Variants in LURAP1L observed in about 807,000 individuals in gnomAD.
LURAP1L encodes the protein leucine rich adaptor protein 1-like.
A neutral mutation model predicts 13.8 loss-of-function variants in LURAP1L; 12 were observed. The ratio of observed to expected loss-of-function variants is 0.87; its 90% CI spans 0.56 to 1.41. The LOEUF (loss-of-function observed/expected upper bound fraction) is 1.41, where lower values mean the gene tolerates loss of function less well. Ranked by LOEUF, LURAP1L falls within the 40% of genes most tolerant of loss-of-function variation. The probability of loss-of-function intolerance (pLI) is 0.00; values close to 1 mark genes in which losing one functional copy is unlikely to be tolerated. For synonymous variants in LURAP1L, 139 were observed against 119.2 expected (o/e 1.17, Z -1.08); for missense variants, 375 against 292.9 (o/e 1.28, Z -2.04).
At position 12,820,506 on chromosome 9, in the gene LURAP1L, C is replaced by A. The variant is rs374519185; in HGVS notation, c.313-880C>A. Among the ~76,000 whole-genome samples, 45 of 71,644 alleles carry A rather than the reference C, an allele frequency of 6.3e-4. 5 individuals are homozygous for A. Among genetic ancestry groups the A allele is most frequent in the Non-Finnish European group, 8.9e-4 (22 of 24,722 alleles). The allele number at this position is 71,644 out of a possible 152,430, so 47.0% of individuals were successfully genotyped here. A position where few individuals can be genotyped will look rare whatever the true frequency, so the allele number is the denominator to read the frequency against. On this transcript the variant is annotated intron_variant, in intron 1 of 1. Transcript: ENST00000319264. ...CGACAGATCGAGACTCCGTCCCCCC[C>A]CCCCCCCCAAAAAAAAAAAAGGACC...
chr9:12,789,090 C>A (rs202024781), intron 1 of LURAP1L, among the ~76,000 whole-genome samples: 40 of 137,002 alleles, frequency 2.9e-4, no homozygotes, highest in East Asian at 2.1e-3. Context: ...AGCACCCCCC[C>A]AAAAAAAAAA....
chr9:12,784,212 A>C (rs1361522472), intron 1 of LURAP1L, among the ~76,000 whole-genome samples: 1 of 151,910 alleles, frequency 6.6e-6, no homozygotes, highest in Non-Finnish European at 1.5e-5. Context: ...TATTTAGTTC[A>C]TTTGGTGAGG....
chr9:12,809,630 T>C (rs529997264), intron 1 of LURAP1L, among the ~76,000 whole-genome samples: 1 of 152,344 alleles, frequency 6.6e-6, no homozygotes, highest in African/African-American at 2.4e-5. Context: ...CTGGTTCTGA[T>C]GCTTGCTTTG....
Position 12,821,814 on chromosome 9 carries a change from C to T in LURAP1L, c.*54C>T. The T allele has an allele frequency of 6.5e-7, 1 of 1,537,488 alleles. No individual in the cohort carries two copies. Among genetic ancestry groups the T allele is most frequent in the South Asian group, 1.2e-5 (1 of 80,862 alleles). On this transcript the variant is annotated 3_prime_UTR_variant, in exon 2 of 2. Transcript: ENST00000319264. ...CAATGAACTTGTATTTATCCTTCTT[C>T]TCCGCTGCTATATTTTTGGTGTGAT... is the stretch of plus-strand genomic sequence containing the variant.
chr9:12,821,509 A>T lies in LURAP1L; in HGVS notation c.436A>T (p.Ser146Cys). The T allele has an allele frequency of 6.2e-7, 1 of 1,614,230 alleles. No individual in the cohort carries two copies. Among genetic ancestry groups the T allele is most frequent in the South Asian group, 1.1e-5 (1 of 91,088 alleles). ...CATTACCAGCAGAGGCAGCAGCCTCAGTGGCAGCCTGTGCAGTTTGTTGGA... is the reference window on the plus strand; with the variant it reads ...CATTACCAGCAGAGGCAGCAGCCTCTGTGGCAGCCTGTGCAGTTTGTTGGA... ...ATITSRGSSL[S>C]GSLCSLLESQ... Residue 146 changes from serine (S) to cysteine (C), a missense_variant, in exon 2 of 2, where the codon AGT (serine) becomes TGT (cysteine). Coordinates refer to ENST00000319264, the MANE Select transcript of LURAP1L (RefSeq NM_203403.2).
At chr9:12,786,754 C>T (rs1819361947) in intron 1 of LURAP1L, among the ~76,000 whole-genome samples, 1 of 151,254 alleles carries the variant, frequency 6.6e-6, no homozygotes, top group African/African-American at 2.4e-5. Flanking sequence ...TAATATCTCT[C>T]AAATAGGCTC....
At chr9:12,800,547 A>C (rs1408493160) in intron 1 of LURAP1L, among the ~76,000 whole-genome samples, 3 of 152,194 alleles carry the variant, frequency 2.0e-5, no homozygotes, top group Non-Finnish European at 4.4e-5. Flanking sequence ...AAAAAAACAA[A>C]AAACATATTG....
chr9:12,780,865 A>G (rs192871534), intron 1 of LURAP1L, among the ~76,000 whole-genome samples: 99 of 152,322 alleles, frequency 6.5e-4, no homozygotes, highest in African/African-American at 2.3e-3. Context: ...ACTCCAGAGG[A>G]AATACTTCTG....
At chr9:12,785,006 G>T (rs1819329763) in intron 1 of LURAP1L, among the ~76,000 whole-genome samples, 1 of 151,554 alleles carries the variant, frequency 6.6e-6, no homozygotes, top group Non-Finnish European at 1.5e-5. Context: ...ACTGCCCTAG[G>T]CCCATGGCAA....
intron 1 of LURAP1L, among the ~76,000 whole-genome samples, chr9:12,802,823 C>A (rs1224410700): frequency 6.6e-6 from 1 of 152,158 alleles, no homozygotes; most frequent in African/African-American, 2.4e-5. Context: ...TACCTTTCCG[C>A]TTTTCCTCTA....
intron 1 of LURAP1L, among the ~76,000 whole-genome samples, chr9:12,778,921 G>A (rs1819228934): frequency 6.6e-6 from 1 of 152,184 alleles, no homozygotes; most frequent in Admixed American, 6.5e-5. Context: ...GCTTGAAACT[G>A]TGGATAGTAC....
chr9:12,802,415 G>C (rs1268693215), intron 1 of LURAP1L, among the ~76,000 whole-genome samples: 1 of 152,040 alleles, frequency 6.6e-6, no homozygotes, highest in Non-Finnish European at 1.5e-5. Context: ...CTGAGATCTG[G>C]TCTTTAAAAG....
intron 1 of LURAP1L, among the ~76,000 whole-genome samples, chr9:12,791,645 CCTCTCTCTCTCCTT>C (rs942760096): frequency 6.7e-6 from 1 of 150,058 alleles, no homozygotes; most frequent in African/African-American, 2.4e-5. Context: ...CCCCCGCCCT[CCTCTCTCTCTCCTT>C]CTCTCTCTCT....
intron 1 of LURAP1L, among the ~76,000 whole-genome samples, chr9:12,800,811 C>A (rs1446646942): frequency 1.3e-5 from 2 of 152,056 alleles, no homozygotes; most frequent in Admixed American, 6.5e-5. Flanking sequence ...ATGAGCTGAA[C>A]AAAACTCTTT....
At chr9:12,798,650 A>C (rs1819541794) in intron 1 of LURAP1L, among the ~76,000 whole-genome samples, 1 of 152,214 alleles carries the variant, frequency 6.6e-6, no homozygotes. Context: ...ATTAACATCA[A>C]ATTTATGCTA....
rs1364563389 is a variant in LURAP1L, at chr9:12,822,270, T to G, written c.*510T>G. 6.4e-6 allele frequency: 1 copy of G among 155,288 alleles called. No homozygotes were observed. The highest frequency in any genetic ancestry group is 1.9e-4 in the East Asian group (1 of 5,274). 9.6% of individuals were successfully genotyped at this position (155,288 alleles called of 1,614,324 possible). ...ATTTCTAGACCACAACATTCTAGTGTATAATCAACCATACTGTTAGTCACA... is the reference window on the plus strand; with the variant it reads ...ATTTCTAGACCACAACATTCTAGTGGATAATCAACCATACTGTTAGTCACA... On this transcript the variant is annotated 3_prime_UTR_variant, in exon 2 of 2. Coordinates refer to ENST00000319264, the MANE Select transcript of LURAP1L (RefSeq NM_203403.2).
rs558613268 is a variant in LURAP1L, at chr9:12,796,837, T to A, written c.312+20810T>A. Reference sequence around the variant, plus strand: ...TCACTTTCTAGTTGTATGACTTGAGTAAGTTACTTGAGTAACTTGCTTGGG... The same window carrying A: ...TCACTTTCTAGTTGTATGACTTGAGAAAGTTACTTGAGTAACTTGCTTGGG... On this transcript the variant is annotated intron_variant, in intron 1 of 1. Transcript: ENST00000319264. 5.4e-4 allele frequency among the ~76,000 whole-genome samples: 82 copies of A among 151,898 alleles called. No individual in the cohort carries two copies. The Middle Eastern group carries it at 0.014, about 25-fold the overall frequency.
At chr9:12,792,790 GAA>G (rs1220458698) in intron 1 of LURAP1L, among the ~76,000 whole-genome samples, 2 of 151,906 alleles carry the variant, frequency 1.3e-5, no homozygotes, top group Non-Finnish European at 1.5e-5. Flanking sequence ...TGTTTTTCAG[GAA>G]TCCTGACCCT....
At chr9:12,811,679 T>C (rs1819737994) in intron 1 of LURAP1L, among the ~76,000 whole-genome samples, 2 of 152,248 alleles carry the variant, frequency 1.3e-5, no homozygotes, top group South Asian at 2.1e-4. Flanking sequence ...TGGAAAGATC[T>C]CTAGGACCTT....
Sources: allele counts gnomAD v4.1 joint callset (sites outside exome capture counted in the v4.1 genomes callset), GRCh38; gene constraint gnomAD v4.1.1; transcripts MANE v1.5; gene names NCBI Gene and HGNC (gene_info 2026-07-23, HGNC 2026-07-21).